Variants in GRM7 observed in about 807,000 individuals in gnomAD.
GRM7 encodes the protein glutamate metabotropic receptor 7, also known as metabotropic glutamate receptor 7.
Under a neutral mutation model 84.5 loss-of-function variants are expected in GRM7, and 35 were observed. That is an observed-to-expected ratio of 0.41 (90% confidence interval 0.32 to 0.55). The LOEUF is 0.55. Ranked by LOEUF, GRM7 falls within the 20% of genes least tolerant of loss-of-function variation. The pLI is 0.19. For missense variants in GRM7, 1,003 were observed against 1,194.6 expected, an observed-to-expected ratio of 0.84 and a Z score of 2.36; for synonymous variants, 487 against 455.1, an observed-to-expected ratio of 1.07 and a Z score of -0.89.
intron 1 of GRM7, among the ~76,000 whole-genome samples, chr3:7,037,157 G>A (rs1696417557): frequency 6.6e-6 from 1 of 152,142 alleles, no homozygotes; most frequent in South Asian, 2.1e-4. Flanking sequence ...TGATTTATAT[G>A]TAGGATACCA....
At chr3:7,638,823 T>C (rs549832690) in intron 8 of GRM7, among the ~76,000 whole-genome samples, 16 of 152,302 alleles carry the variant, frequency 1.1e-4, no homozygotes, top group Non-Finnish European at 1.5e-4. Context: ...TAGTTGTATC[T>C]AAAGGCTCAG....
intron 7 of GRM7, among the ~76,000 whole-genome samples, chr3:7,478,409 A>G (rs1218906617): frequency 1.3e-5 from 2 of 152,172 alleles, no homozygotes; most frequent in South Asian, 2.1e-4. Context: ...TATCAAGTAG[A>G]CATTTATTTT....
At chr3:6,872,125 C>T (rs1162431261) in intron 1 of GRM7, among the ~76,000 whole-genome samples, 4 of 152,022 alleles carry the variant, frequency 2.6e-5, no homozygotes, top group Admixed American at 2.6e-4. Context: ...TATGAAAGAT[C>T]CACTAGTTTG....
rs781679290 is a variant in GRM7 at position 7,329,193 on chromosome 3, A to T, written c.1033+22541A>T. Among the ~76,000 whole-genome samples, 27 of 152,150 alleles carry T rather than the reference A, an allele frequency of 1.8e-4. 1 individual carries two copies. Among genetic ancestry groups the T allele is most frequent in the Middle Eastern group, 3.4e-3 (1 of 294 alleles). ...CACTAGAGGAACATTCCGATGACAA[A>T]TTTTCTCCTAAACCTTGTTACTTCA... On this transcript the variant is annotated intron_variant, in intron 4 of 9. Transcript: ENST00000357716.
intron 3 of GRM7, among the ~76,000 whole-genome samples, chr3:7,301,113 A>G (rs746562746): frequency 2.0e-4 from 31 of 152,062 alleles, no homozygotes; most frequent in Admixed American, 1.8e-3. Context: ...CATAACTCTT[A>G]TCCTCCGATT....
intron 2 of GRM7, among the ~76,000 whole-genome samples, chr3:7,204,073 C>G (rs927723582): frequency 6.6e-6 from 1 of 152,166 alleles, no homozygotes; most frequent in Non-Finnish European, 1.5e-5. Context: ...TAAATTCAGA[C>G]TCAAGCAATA....
intron 1 of GRM7, among the ~76,000 whole-genome samples, chr3:7,105,912 C>T (rs1692615497): frequency 6.6e-6 from 1 of 151,658 alleles, no homozygotes; most frequent in African/African-American, 2.4e-5. Context: ...ATAATTTAAA[C>T]TTTCTTTCAA....
chr3:7,343,756 G>A (rs1575194399), intron 4 of GRM7, among the ~76,000 whole-genome samples: 1 of 152,126 alleles, frequency 6.6e-6, no homozygotes, highest in Admixed American at 6.5e-5. Flanking sequence ...ACAGTGGCTT[G>A]GTTTTATGAC....
intron 7 of GRM7, among the ~76,000 whole-genome samples, chr3:7,537,853 T>C (rs1692640707): frequency 1.3e-5 from 2 of 152,178 alleles, no homozygotes; most frequent in South Asian, 4.1e-4. Context: ...CACTAAATTG[T>C]AAGAACTACT....
In GRM7 at chr3:7,574,826, G is replaced by A. The variant is rs114335534; in HGVS notation, c.1516-3596G>A. ...AGACCAGTGAGCTTTCTTTCAAAGC[G>A]ATTTGTGTGGGTGTCTTTCCTTTGT... On this transcript the variant is annotated intron_variant, in intron 7 of 9. Coordinates refer to ENST00000357716, the MANE Select transcript of GRM7 (RefSeq NM_000844.4). 9.0e-3 allele frequency among the ~76,000 whole-genome samples: 1,377 copies of A among 152,268 alleles called. 20 individuals are homozygous for A. The highest frequency in any genetic ancestry group is 0.031 in the African/African-American group (1,296 of 41,562).
At chr3:7,695,431 T>A (rs548070287) in intron 9 of GRM7, among the ~76,000 whole-genome samples, 3 of 152,068 alleles carry the variant, frequency 2.0e-5, no homozygotes, top group African/African-American at 7.2e-5. Context: ...AAGTCTACAT[T>A]TTTTTTTAGC....
chr3:7,473,489 G>GAGAGAGA (rs1553603710), intron 7 of GRM7, among the ~76,000 whole-genome samples: 1 of 126,432 alleles, frequency 7.9e-6, no homozygotes, highest in Non-Finnish European at 1.6e-5. Flanking sequence ...AAAACGAGAG[G>GAGAGAGA]GAGAGAGAGA....
At chr3:7,035,488 G>T (rs563637386) in intron 1 of GRM7, among the ~76,000 whole-genome samples, 2 of 152,116 alleles carry the variant, frequency 1.3e-5, no homozygotes, top group Non-Finnish European at 2.9e-5. Flanking sequence ...CTATTTCAAG[G>T]CCTATACAAA....
chr3:7,353,070 T>G (rs917173085), intron 4 of GRM7, among the ~76,000 whole-genome samples: 9 of 151,956 alleles, frequency 5.9e-5, no homozygotes, highest in Non-Finnish European at 1.3e-4. Context: ...TTTTGGGCTG[T>G]GTATGTGCAG....
In GRM7 at chr3:7,500,598, G is replaced by A. The variant is rs562481281; in HGVS notation, c.1515+38876G>A. 3.3e-5 allele frequency among the ~76,000 whole-genome samples: 5 copies of A among 152,320 alleles called. No individual in the cohort carries two copies. The East Asian group carries it at 9.6e-4, about 29-fold the overall frequency. On this transcript the variant is annotated intron_variant, in intron 7 of 9. Coordinates refer to ENST00000357716, the MANE Select transcript of GRM7 (RefSeq NM_000844.4). ...ATATTGGACGATACTGATTAAATTT[G>A]TTTATCTAGCTCATGAACACTTGAA...
intron 7 of GRM7, among the ~76,000 whole-genome samples, chr3:7,537,885 C>T (rs1692642095): frequency 6.6e-6 from 1 of 152,170 alleles, no homozygotes. Flanking sequence ...ATATGGTCTA[C>T]AGTCTGAGTC....
Position 7,383,419 on chromosome 3 carries a change from T to C in GRM7, c.1034-31604T>C, listed in dbSNP as rs370166070. Among the ~76,000 whole-genome samples, 145 of 152,274 alleles carry C rather than the reference T, an allele frequency of 9.5e-4. 4 individuals are homozygous for C. The South Asian group carries it at 0.027, about 28-fold the overall frequency. ...TTAAGCTTTGTGATCCAAACAGATA[T>C]TTAAAAATGAAACTTGTAGAGCAGT... is the stretch of plus-strand genomic sequence containing the variant. On this transcript the variant is annotated intron_variant, in intron 4 of 9. Transcript: ENST00000357716.
At chr3:7,687,061 A>G (rs1700615235) in intron 9 of GRM7, among the ~76,000 whole-genome samples, 1 of 149,258 alleles carries the variant, frequency 6.7e-6, no homozygotes, top group Non-Finnish European at 1.5e-5. Context: ...TGTGGCTCAT[A>G]GTTCTGCCTT....
intron 8 of GRM7, among the ~76,000 whole-genome samples, chr3:7,654,388 A>G (rs1395893746): frequency 6.6e-6 from 1 of 152,072 alleles, no homozygotes; most frequent in Non-Finnish European, 1.5e-5. Context: ...CTATCTCTAT[A>G]ATTAAAGCAT....
Sources: gnomAD v4.1 joint callset for allele counts (sites outside exome capture counted in the v4.1 genomes callset) on GRCh38, gnomAD v4.1.1 for gene constraint, MANE v1.5 for transcripts, NCBI Gene and HGNC (gene_info 2026-07-23, HGNC 2026-07-21) for gene names.